ANKRD20A1: variants seen among roughly 807,000 people sequenced by gnomAD.
ANKRD20A1 encodes the protein ankyrin repeat domain 20 family member A1.
A neutral mutation model predicts 50.9 loss-of-function variants in ANKRD20A1; 2 were observed. The ratio of observed to expected loss-of-function variants is 0.04; its 90% CI spans 0.02 to 0.12. The LOEUF is 0.12. ANKRD20A1 is among the 10% of genes least tolerant of loss of function. The probability of loss-of-function intolerance (pLI) is 1.00; values close to 1 mark genes in which losing one functional copy is unlikely to be tolerated. For missense variants in ANKRD20A1, 31 were observed against 548.1 expected, an observed-to-expected ratio of 0.06 and a Z score of 9.42; for synonymous variants, 10 against 186.2, an observed-to-expected ratio of 0.05 and a Z score of 7.70.
At chr9:67,867,651 A>G (rs561064276) in intron 4 of ANKRD20A1, among the ~76,000 whole-genome samples, 2 of 144,398 alleles carry the variant, frequency 1.4e-5, no homozygotes, top group African/African-American at 5.0e-5. Flanking sequence ...AGGGTTTTGT[A>G]TTAGTTTTAT....
intron 6 of ANKRD20A1, among the ~76,000 whole-genome samples, chr9:67,875,569 C>A: frequency 6.6e-6 from 1 of 152,232 alleles, no homozygotes; most frequent in Non-Finnish European, 1.5e-5. Context: ...AGGCTTCACT[C>A]TTGATGCTGT....
rs1204235866 is a variant in ANKRD20A1 at position 67,860,065 on chromosome 9, T to C, written c.203+436T>C. Among the ~76,000 whole-genome samples the C allele has an allele frequency of 7.8e-5, 3 of 38,260 alleles. 1 individual carries two copies. The highest frequency in any genetic ancestry group is 2.0e-4 in the Admixed American group (1 of 4,894). The allele number at this position is 38,260 out of a possible 152,430, so 25.1% of individuals were successfully genotyped here. On this transcript the variant is annotated intron_variant, in intron 1 of 14. Coordinates refer to ENST00000562196, the MANE Select transcript of ANKRD20A1 (RefSeq NM_032250.5). ...ATAGGGAATTCATTATATTCTTTTT[T>C]TTTTTTTTTTGAGTCAGAGTCTCGC...
rs903915586 is a variant in ANKRD20A1 at position 67,879,440 on chromosome 9, T to G, written c.825-1036T>G. On this transcript the variant is annotated intron_variant, in intron 7 of 14. Coordinates refer to ENST00000562196, the MANE Select transcript of ANKRD20A1 (RefSeq NM_032250.5). ...TGGAGTTCAGTTGGGTAGTTGGTAG[T>G]GTGTCTAGCTGGGGACAGGTGATGG... Among the ~76,000 whole-genome samples the G allele has an allele frequency of 1.1e-4, 6 of 53,308 alleles. 2 individuals are homozygous for G. In the East Asian group the frequency reaches 1.0e-2, roughly 88 times the overall value. 35.0% of individuals were successfully genotyped at this position (53,308 alleles called of 152,430 possible).
intron 1 of ANKRD20A1, among the ~76,000 whole-genome samples, chr9:67,861,178 A>G (rs1587594009): frequency 2.1e-5 from 1 of 47,830 alleles, no homozygotes; most frequent in East Asian, 4.1e-4. Flanking sequence ...GCTGATGAAA[A>G]TAATTTCTCA....
rs1244105576 is a variant in ANKRD20A1, at chr9:67,860,301, C to G, written c.203+672C>G. ...ACCTCAAGTCATCTGCCCGCCTCCA[C>G]CTCCCAAAGCGCTGGGATTACAGGT... On this transcript the variant is annotated intron_variant, in intron 1 of 14. Transcript: ENST00000562196. Among the ~76,000 whole-genome samples the G allele has an allele frequency of 1.3e-4, 6 of 47,034 alleles. 3 individuals carry two copies. In the East Asian group the frequency reaches 2.5e-3, roughly 19 times the overall value. 30.9% of individuals were successfully genotyped at this position (47,034 alleles called of 152,430 possible). A position where few individuals can be genotyped will look rare whatever the true frequency, so the allele number is the denominator to read the frequency against.
At chr9:67,881,546 C>T (rs1257570080) in intron 8 of ANKRD20A1, among the ~76,000 whole-genome samples, 2 of 152,072 alleles carry the variant, frequency 1.3e-5, no homozygotes, top group Non-Finnish European at 2.9e-5. Context: ...GTCGGTAGAT[C>T]ACCTGAGGTC....
chr9:67,893,922 CATT>C (rs1351866729), intron 12 of ANKRD20A1, among the ~76,000 whole-genome samples: 1 of 152,306 alleles, frequency 6.6e-6, no homozygotes, highest in Non-Finnish European at 1.5e-5. Flanking sequence ...AAGGAGTCAT[CATT>C]GCCAGTGGTT....
rs1428118504 is a variant in ANKRD20A1, at chr9:67,892,054, CAAAAA to C, written c.1082-1379_1082-1375del. On this transcript the variant is annotated intron_variant, in intron 11 of 14. Coordinates refer to ENST00000562196, the MANE Select transcript of ANKRD20A1 (RefSeq NM_032250.5). ...TGGGAGACAGAGTAAGACCTTGTCC[CAAAAA>C]AAGAAAAGAAAAGGAAACTGATTTC... Among the ~76,000 whole-genome samples, 2 of 40,974 alleles carry C rather than the reference CAAAAA, an allele frequency of 4.9e-5. 1 individual carries two copies. Among genetic ancestry groups the C allele is most frequent in the South Asian group, 2.5e-3 (2 of 786 alleles). 26.9% of individuals were successfully genotyped at this position (40,974 alleles called of 152,430 possible).
chr9:67,864,658 CAAA>C (rs1287153657), intron 3 of ANKRD20A1, among the ~76,000 whole-genome samples: 2 of 14,592 alleles, frequency 1.4e-4, no homozygotes, highest in Non-Finnish European at 2.4e-4. Context: ...CAATAATAGC[CAAA>C]AAAAAAAAAA....
chr9:67,891,193 CT>C (rs1484457804), intron 11 of ANKRD20A1, among the ~76,000 whole-genome samples: 2 of 112,606 alleles, frequency 1.8e-5, no homozygotes, highest in African/African-American at 6.3e-5. Flanking sequence ...ACTCGGGAGG[CT>C]GAGGCAGGAG....
intron 14 of ANKRD20A1, 109 bp from the exon 15 acceptor site, chr9:67,900,384 C>T (rs1828045306): frequency 6.2e-6 from 2 of 320,922 alleles, no homozygotes; most frequent in Non-Finnish European, 1.1e-5. Context: ...TGGATATCCA[C>T]TTATGGTAAA....
intron 13 of ANKRD20A1, among the ~76,000 whole-genome samples, chr9:67,898,230 TAA>T (rs1393710943): frequency 9.4e-6 from 1 of 106,570 alleles, no homozygotes; most frequent in Non-Finnish European, 2.1e-5. Context: ...TAACATAAAA[TAA>T]GATATATTTT....
chr9:67,871,344 T>C (rs1312327395), intron 6 of ANKRD20A1, 132 bp downstream of exon 6: 1 of 421,672 alleles, frequency 2.4e-6, no homozygotes, highest in East Asian at 4.2e-5. Flanking sequence ...GTAAATTGAA[T>C]GTGTATATAT....
rs1358108547 is a variant in ANKRD20A1, at chr9:67,884,942, G to T, written c.979+372G>T. ...TGATGGAATGTTTCTTTGAAAATAT[G>T]AGCACTAATAGAGTGTAATAGCTAA... On this transcript the variant is annotated intron_variant, in intron 9 of 14. Transcript: ENST00000562196. Among the ~76,000 whole-genome samples, 3 of 139,114 alleles carry T rather than the reference G, an allele frequency of 2.2e-5. No individual in the cohort carries two copies. In the East Asian group the frequency reaches 7.3e-4, roughly 34 times the overall value. The allele number at this position is 139,114 out of a possible 152,430, so 91.3% of individuals were successfully genotyped here.
rs1280528327 is a variant in ANKRD20A1 at position 67,881,212 on chromosome 9, G to GCT, written c.894+667_894+668insCT. Among the ~76,000 whole-genome samples, 3 of 145,950 alleles carry GCT rather than the reference G, an allele frequency of 2.1e-5. No homozygotes were observed. In the East Asian group the frequency reaches 6.5e-4, roughly 31 times the overall value. Reference sequence around the variant, plus strand: ...GAAGATTGCTTGAACCCAGGAGTTTGAGAACAGCCTGGGCAACATCGTATC... The same window carrying GCT: ...GAAGATTGCTTGAACCCAGGAGTTTGCTAGAACAGCCTGGGCAACATCGTATC... On this transcript the variant is annotated intron_variant, in intron 8 of 14. Coordinates refer to ENST00000562196, the MANE Select transcript of ANKRD20A1 (RefSeq NM_032250.5).
intron 9 of ANKRD20A1, among the ~76,000 whole-genome samples, chr9:67,885,172 A>G (rs1195291553): frequency 6.6e-6 from 1 of 152,244 alleles, no homozygotes; most frequent in Non-Finnish European, 1.5e-5. Context: ...GAATGAGGAG[A>G]GCGGAGTGTA....
rs768986280 is a variant in ANKRD20A1 at position 67,884,526 on chromosome 9, C to A, written c.935C>A (p.Ser312Tyr). 2.5e-6 allele frequency: 4 copies of A among 1,591,300 alleles called. No homozygotes were observed. Among genetic ancestry groups the A allele is most frequent in the South Asian group, 2.2e-5 (2 of 90,388 alleles). Residue 312 changes from serine (S) to tyrosine (Y), a missense_variant, in exon 9 of 15, where the codon TCT (serine) becomes TAT (tyrosine). Ser to Tyr is a moderately radical substitution (Grantham distance 144). Coordinates refer to ENST00000562196, the MANE Select transcript of ANKRD20A1 (RefSeq NM_032250.5). ...PEKVSEPLPG[S>Y]SHEKGNRIVN... ...AAAGTGTCAGAGCCTTTACCTGGAT[C>A]TTCGCATGAAAAAGGAAACAGAATA...
At chr9:67,864,970 CAG>C (rs1376646713) in intron 3 of ANKRD20A1, among the ~76,000 whole-genome samples, 1 of 102,374 alleles carries the variant, frequency 9.8e-6, no homozygotes, top group Admixed American at 9.6e-5. Context: ...CACTACCATT[CAG>C]AGAGTCTTCA....
intron 8 of ANKRD20A1, among the ~76,000 whole-genome samples, chr9:67,881,743 C>T (rs1477713661): frequency 1.3e-5 from 2 of 151,370 alleles, no homozygotes; most frequent in Non-Finnish European, 2.9e-5. Flanking sequence ...TGCAGTGAGC[C>T]AAGATCGCAC....
Sources: allele counts gnomAD v4.1 joint callset (sites outside exome capture counted in the v4.1 genomes callset), GRCh38; gene constraint gnomAD v4.1.1; transcripts MANE v1.5; gene names NCBI Gene and HGNC (gene_info 2026-07-23, HGNC 2026-07-21).